PCP4L1: variants seen among roughly 807,000 people sequenced by gnomAD.
PCP4L1 encodes the protein Purkinje cell protein 4 like 1.
Under a neutral mutation model 9.6 loss-of-function variants are expected in PCP4L1, and 9 were observed. The ratio of observed to expected loss-of-function variants is 0.94; its 90% CI spans 0.57 to 1.64. PCP4L1 has a LOEUF of 1.64. Among genes scored for constraint, PCP4L1 ranks in the 40% most tolerant of loss-of-function variants. PCP4L1 has a pLI of 0.00. For missense variants in PCP4L1, 81 were observed against 80.8 expected (o/e 1.00, Z -0.01); for synonymous variants, 31 against 28.2 (o/e 1.10, Z -0.31).
At chr1:161,262,307 G>A (rs1002102722) in intron 1 of PCP4L1, among the ~76,000 whole-genome samples, 4 of 151,698 alleles carry the variant, frequency 2.6e-5, no homozygotes, top group South Asian at 4.2e-4. Context: ...GGTGGCAGGC[G>A]CCTGTAGTCC....
At chr1:161,275,021 G>A (rs1254487295) in intron 1 of PCP4L1, among the ~76,000 whole-genome samples, 2 of 152,040 alleles carry the variant, frequency 1.3e-5, no homozygotes, top group Non-Finnish European at 2.9e-5. Flanking sequence ...GGGGGTGGGG[G>A]GACCAGATGG....
intron 1 of PCP4L1, among the ~76,000 whole-genome samples, chr1:161,282,903 C>T (rs1669847554): frequency 6.6e-6 from 1 of 152,148 alleles, no homozygotes; most frequent in African/African-American, 2.4e-5. Context: ...CATGCTGATT[C>T]AAGCTACCAT....
In PCP4L1 at chr1:161,283,649, A is replaced by G; in HGVS notation, c.10-19A>G. The stretch of plus-strand genomic sequence containing the variant: ...TTCCATGAATATCTAATATTCTGAT[A>G]TCCTAATATTTTTTCCAGCTTAATA... On this transcript the variant is annotated intron_variant, in intron 1 of 2. Transcript: ENST00000504449. The G allele has an allele frequency of 6.3e-7, 1 of 1,576,670 alleles. No individual in the cohort carries two copies. The highest frequency in any genetic ancestry group is 1.2e-5 in the South Asian group (1 of 86,204).
At chr1:161,267,501 T>C (rs1389663485) in intron 1 of PCP4L1, among the ~76,000 whole-genome samples, 1 of 152,188 alleles carries the variant, frequency 6.6e-6, no homozygotes, top group Non-Finnish European at 1.5e-5. Flanking sequence ...GGCAACACTA[T>C]CTTCCCTTTT....
intron 1 of PCP4L1, among the ~76,000 whole-genome samples, chr1:161,267,538 G>A (rs1669550456): frequency 6.6e-6 from 1 of 152,126 alleles, no homozygotes; most frequent in Admixed American, 6.5e-5. Flanking sequence ...CTGTGGCAAC[G>A]CTATTAAAGA....
intron 1 of PCP4L1, among the ~76,000 whole-genome samples, chr1:161,265,403 A>G (rs1301470440): frequency 6.6e-6 from 1 of 152,124 alleles, no homozygotes; most frequent in Non-Finnish European, 1.5e-5. Context: ...GGTGGTGTGC[A>G]TCTGTAGTCC....
Position 161,283,648 on chromosome 1 carries a change from T to C in PCP4L1, c.10-20T>C, listed in dbSNP as rs761008360. 1 of 1,575,388 alleles carries C rather than the reference T, an allele frequency of 6.3e-7. No individual in the cohort carries two copies. On this transcript the variant is annotated intron_variant, in intron 1 of 2. Transcript: ENST00000504449. ...CTTCCATGAATATCTAATATTCTGA[T>C]ATCCTAATATTTTTTCCAGCTTAAT...
rs906887545 is a variant in PCP4L1, at chr1:161,258,809, G to A, written c.-166G>A. 1 of 1,096,806 alleles carries A rather than the reference G, an allele frequency of 9.1e-7. No homozygotes were observed. Among genetic ancestry groups the A allele is most frequent in the South Asian group, 1.4e-5 (1 of 71,936 alleles). The allele number at this position is 1,096,806 out of a possible 1,614,324, so 67.9% of individuals were successfully genotyped here. A position where few individuals can be genotyped will look rare whatever the true frequency, so the allele number is the denominator to read the frequency against. ...CCGGAGCTGGGCTCCGAGAATCCCG[G>A]GTGCCAGCACCAGAGCAGCGGCTCT... On this transcript the variant is annotated 5_prime_UTR_variant, in exon 1 of 3. Transcript: ENST00000504449.
intron 1 of PCP4L1, among the ~76,000 whole-genome samples, chr1:161,269,557 G>T (rs17398257): frequency 0.049 from 7,525 of 152,196 alleles, 251 homozygotes; most frequent in Non-Finnish European, 0.072. Context: ...GATCAAAAAG[G>T]ATCAATAGGA....
intron 1 of PCP4L1, among the ~76,000 whole-genome samples, chr1:161,269,258 A>AG (rs546123246): frequency 7.3e-5 from 11 of 151,626 alleles, no homozygotes; most frequent in South Asian, 2.1e-4. Context: ...AGGGTGGGGA[A>AG]GGGGGGGTAA....
chr1:161,273,832 T>A (rs772221459), intron 1 of PCP4L1, among the ~76,000 whole-genome samples: 16 of 152,214 alleles, frequency 1.1e-4, no homozygotes, highest in Non-Finnish European at 1.9e-4. Flanking sequence ...CTGGACCCTG[T>A]TCCCCAAGTT....
intron 1 of PCP4L1, among the ~76,000 whole-genome samples, chr1:161,278,843 C>T (rs554390887): frequency 2.6e-5 from 4 of 152,046 alleles, no homozygotes; most frequent in East Asian, 3.9e-4. Flanking sequence ...AGTGCAGTGG[C>T]GCAATCTCAG....
At chr1:161,261,129 C>T (rs1026403917) in intron 1 of PCP4L1, among the ~76,000 whole-genome samples, 3 of 152,156 alleles carry the variant, frequency 2.0e-5, no homozygotes, top group African/African-American at 4.8e-5. Context: ...GGAAGAGCCC[C>T]GCCCAGGAAA....
At chr1:161,263,614 C>G (rs1236596587) in intron 1 of PCP4L1, among the ~76,000 whole-genome samples, 1 of 145,920 alleles carries the variant, frequency 6.9e-6, no homozygotes, top group East Asian at 2.0e-4. Context: ...GAGACAATAT[C>G]TCTGTCACCC....
intron 1 of PCP4L1, among the ~76,000 whole-genome samples, chr1:161,276,791 A>T (rs1191515306): frequency 6.6e-6 from 1 of 151,556 alleles, no homozygotes; most frequent in Non-Finnish European, 1.5e-5. Flanking sequence ...TATAAATATA[A>T]ACACATATGT....
intron 2 of PCP4L1, 82 bp from the exon 3 acceptor site, chr1:161,284,254 ACCT>A: frequency 5.0e-6 from 8 of 1,584,198 alleles, no homozygotes; most frequent in Non-Finnish European, 6.9e-6. Flanking sequence ...CACAAGGTGG[ACCT>A]TACCCACTGT....
In PCP4L1 at chr1:161,258,746, A is replaced by G; in HGVS notation, c.-229A>G. The G allele has an allele frequency of 1.6e-6, 1 of 629,968 alleles. No homozygotes were observed. Among genetic ancestry groups the G allele is most frequent in the Non-Finnish European group, 2.7e-6 (1 of 366,292 alleles). 39.0% of individuals were successfully genotyped at this position (629,968 alleles called of 1,614,324 possible). A position where few individuals can be genotyped will look rare whatever the true frequency, so the allele number is the denominator to read the frequency against. ...AGGTGGGGCCGGAGGCGGCGAGCTG[A>G]GCGGCTCTGACAGGACGGGTCGCAG... On this transcript the variant is annotated 5_prime_UTR_variant, in exon 1 of 3. Coordinates refer to ENST00000504449, the MANE Select transcript of PCP4L1 (RefSeq NM_001102566.2).
intron 1 of PCP4L1, among the ~76,000 whole-genome samples, chr1:161,276,313 G>T (rs577789403): frequency 6.6e-6 from 1 of 152,078 alleles, no homozygotes; most frequent in Admixed American, 6.6e-5. Context: ...TCTTTCTTTT[G>T]GTCAAAGGGG....
intron 1 of PCP4L1, among the ~76,000 whole-genome samples, chr1:161,261,141 C>T (rs768855090): frequency 7.9e-5 from 12 of 152,194 alleles, no homozygotes; most frequent in Non-Finnish European, 1.8e-4. Context: ...CCCAGGAAAG[C>T]CCTGTGTACC....
Sources: allele counts gnomAD v4.1 joint callset (sites outside exome capture counted in the v4.1 genomes callset), GRCh38; gene constraint gnomAD v4.1.1; transcripts MANE v1.5; gene names NCBI Gene and HGNC (gene_info 2026-07-23, HGNC 2026-07-21).